Variants in CPLANE1 observed in about 807,000 individuals in gnomAD.
CPLANE1 encodes ciliogenesis and planar polarity effector complex subunit 1.
Under a neutral mutation model 362.5 loss-of-function variants are expected in CPLANE1, and 263 were observed. That is an observed-to-expected ratio of 0.73 (90% confidence interval 0.66 to 0.80). The LOEUF (loss-of-function observed/expected upper bound fraction) is 0.80. Among genes scored for constraint, CPLANE1 ranks in the 30% least tolerant of loss-of-function variants. CPLANE1 has a pLI of 0.00. For synonymous variants in CPLANE1, 1,212 were observed against 1,302.6 expected, an observed-to-expected ratio of 0.93 and a Z score of 1.50; for missense variants, 3,461 against 3,793.4, an observed-to-expected ratio of 0.91 and a Z score of 2.30.
chr5:37,209,418 C>G lies in CPLANE1; in HGVS notation c.2921-2993G>C. ...GGCTGATGTGTTGAGTCAAAATGAA[C>G]TGCGCAAAAAGCTATACCAGACATT... On this transcript the variant is annotated intron_variant, in intron 16 of 52. Coordinates refer to ENST00000651892, the MANE Select transcript of CPLANE1 (RefSeq NM_001384732.1). The surrounding 1 kb of genome is among the most constrained non-coding windows in gnomAD (Gnocchi z 4.6). The G allele has an allele frequency of 7.8e-7, 1 of 1,288,962 alleles. No homozygotes were observed. The highest frequency in any genetic ancestry group is 1.1e-6 in the Non-Finnish European group (1 of 886,028). 79.8% of individuals were successfully genotyped at this position (1,288,962 alleles called of 1,614,324 possible).
At chr5:37,138,943 G>T in intron 45 of CPLANE1, 95 bp from the exon 46 acceptor site, 1 of 1,076,792 alleles carries the variant, frequency 9.3e-7, no homozygotes, top group Non-Finnish European at 1.3e-6. Flanking sequence ...AACACAAAAT[G>T]ATAAACATAT....
rs1757792238 is a variant in CPLANE1 at position 37,107,208 on chromosome 5, GA to G, written c.*393del. On this transcript the variant is annotated 3_prime_UTR_variant, in exon 53 of 53. Transcript: ENST00000651892. The stretch of plus-strand genomic sequence containing the variant: ...AGACTGATTTTCTTCTCAATGAAAA[GA>G]TTTTTTTTTTTCCTATTAGATTCAT... 1 of 988,594 alleles carries G rather than the reference GA, an allele frequency of 1.0e-6. No homozygotes were observed. Among genetic ancestry groups the G allele is most frequent in the African/African-American group, 1.8e-5 (1 of 57,056 alleles). 61.2% of individuals were successfully genotyped at this position (988,594 alleles called of 1,614,324 possible).
In CPLANE1 at chr5:37,238,916, G is replaced by C. The variant is rs951228759; in HGVS notation, c.879C>G (p.Leu293=). ...TACTACATCCTTTAAGGCTACCACAGAGAGTAACAAAATTCAGTGTGTTTA... is the reference window on the plus strand; with the variant it reads ...TACTACATCCTTTAAGGCTACCACACAGAGTAACAAAATTCAGTGTGTTTA... ...LFINTLNFVT[L]CGSLKGCSNK... is the part of the protein sequence containing the mutation. The change falls in exon 8 of 53, where the codon CTC becomes CTG. Residue 293 remains leucine (L), a synonymous_variant. Coordinates refer to ENST00000651892, the MANE Select transcript of CPLANE1 (RefSeq NM_001384732.1). The C allele has an allele frequency of 3.3e-6, 5 of 1,534,984 alleles. No individual in the cohort carries two copies. The Admixed American group carries it at 6.3e-5, about 19-fold the overall frequency.
chr5:37,226,814 AT>A lies in CPLANE1; in HGVS notation c.1780del (p.Met594CysfsTer2), dbSNP rs1317702489. The A allele has an allele frequency of 1.9e-6, 3 of 1,549,930 alleles. No individual in the cohort carries two copies. Among genetic ancestry groups the A allele is most frequent in the Non-Finnish European group, 2.6e-6 (3 of 1,146,334 alleles). ...ISKTVTEKNL[M>X]LNYIVVCITH... ...GATACAAACTACTATGTAATTTAAC[AT>A]TAAATTTTTTTCTGTCACAGTTTTT... On this transcript the variant is annotated frameshift_variant, in exon 12 of 53. Transcript: ENST00000651892.
intron 46 of CPLANE1, among the ~76,000 whole-genome samples, chr5:37,135,600 C>A (rs377683852): frequency 1.6e-3 from 247 of 152,000 alleles, no homozygotes; most frequent in Non-Finnish European, 2.5e-3. Context: ...TTTGGGAAGT[C>A]GAGGTGGGCG....
Position 37,152,354 on chromosome 5 carries a change from T to C in CPLANE1, c.8373+1386A>G, listed in dbSNP as rs138540793. Among the ~76,000 whole-genome samples the C allele has an allele frequency of 9.9e-5, 15 of 152,248 alleles. No individual in the cohort carries two copies. In the East Asian group the frequency reaches 2.9e-3, roughly 29 times the overall value. Reference sequence around the variant, plus strand: ...ACCATACCCGACTTATTATTATTTTTATGGAGATGAGGTCTCGCTACGTTG... The same window carrying C: ...ACCATACCCGACTTATTATTATTTTCATGGAGATGAGGTCTCGCTACGTTG... On this transcript the variant is annotated intron_variant, in intron 42 of 52. Transcript: ENST00000651892.
chr5:37,240,347 A>G (rs920696454), intron 6 of CPLANE1, among the ~76,000 whole-genome samples: 2 of 151,950 alleles, frequency 1.3e-5, no homozygotes, highest in African/African-American at 4.8e-5. Flanking sequence ...GAGACTCCAT[A>G]TCAAAGAAAA....
Position 37,120,169 on chromosome 5 carries a change from G to A in CPLANE1, c.9310+47C>T, listed in dbSNP as rs770752186. ...GAAAACACAACTTTGGAGACAAGAA[G>A]GAATAGGTCCAAATCAGACAATTTA... On this transcript the variant is annotated intron_variant, in intron 50 of 52. Transcript: ENST00000651892. The A allele has an allele frequency of 2.6e-6, 4 of 1,563,320 alleles. No homozygotes were observed. The South Asian group carries it at 4.9e-5, about 19-fold the overall frequency.
In CPLANE1 at chr5:37,199,664, C is replaced by G. The variant is rs1788589809; in HGVS notation, c.3508-798G>C. ...AACCAGTAGCTAAAGATTATTTTCC[C>G]AGATAATGAGATAATGTGAGCATTG... On this transcript the variant is annotated intron_variant, in intron 19 of 52. Coordinates refer to ENST00000651892, the MANE Select transcript of CPLANE1 (RefSeq NM_001384732.1). Among the ~76,000 whole-genome samples, 4 of 152,174 alleles carry G rather than the reference C, an allele frequency of 2.6e-5. No homozygotes were observed. The South Asian group carries it at 8.3e-4, about 31-fold the overall frequency.
chr5:37,196,556 C>A (rs1787512674), intron 20 of CPLANE1, among the ~76,000 whole-genome samples: 1 of 151,974 alleles, frequency 6.6e-6, no homozygotes, highest in Admixed American at 6.6e-5. Context: ...TCTCCTCATC[C>A]CTAAAATTAA....
chr5:37,223,361 T>C (rs548328506), intron 14 of CPLANE1, among the ~76,000 whole-genome samples: 1 of 152,304 alleles, frequency 6.6e-6, no homozygotes, highest in South Asian at 2.1e-4. Flanking sequence ...ACATCTACCA[T>C]AAAACATAAT....
intron 50 of CPLANE1, among the ~76,000 whole-genome samples, chr5:37,119,417 T>C (rs1454138353): frequency 1.3e-5 from 2 of 152,142 alleles, no homozygotes; most frequent in Admixed American, 6.5e-5. Flanking sequence ...ATGCCTGTAA[T>C]CCCAGCACTT....
intron 34 of CPLANE1, among the ~76,000 whole-genome samples, chr5:37,168,063 A>G (rs1056484694): frequency 6.6e-6 from 1 of 152,216 alleles, no homozygotes; most frequent in Non-Finnish European, 1.5e-5. Context: ...ATAAAAGTAC[A>G]CCACAGAATG....
Position 37,157,866 on chromosome 5 carries a change from A to T in CPLANE1, c.7815T>A (p.Val2605=). ...CAATCACATTTATATAAGTATGTCC[A>T]ACCTGAGCCAAAACACATAAAACCA... The part of the protein sequence containing the change: ...PSIPHTVTNL[V]GHTYINVIDI... The change falls in exon 40 of 53, where the codon GTT becomes GTA. Residue 2605 remains valine, a splice_region_variant and synonymous_variant. Transcript: ENST00000651892. The T allele has an allele frequency of 6.3e-7, 1 of 1,585,184 alleles. No homozygotes were observed. Among genetic ancestry groups the T allele is most frequent in the Non-Finnish European group, 8.6e-7 (1 of 1,163,026 alleles).
At chr5:37,185,211 C>T in intron 24 of CPLANE1, 132 bp from the exon 25 acceptor site, 1 of 720,956 alleles carries the variant, frequency 1.4e-6, no homozygotes, top group Non-Finnish European at 2.2e-6. Context: ...CACATTCTTA[C>T]TGGTCGTGTT....
intron 16 of CPLANE1, 68 bp downstream of exon 16, chr5:37,213,486 GTATAA>G (rs1297280356): frequency 1.9e-5 from 20 of 1,060,756 alleles, no homozygotes; most frequent in Middle Eastern, 2.9e-4. Flanking sequence ...AATGGCCTCT[GTATAA>G]TATGTTTTAA....
intron 52 of CPLANE1, among the ~76,000 whole-genome samples, chr5:37,107,999 A>G (rs1252728114): frequency 6.6e-6 from 1 of 152,180 alleles, no homozygotes; most frequent in Non-Finnish European, 1.5e-5. Flanking sequence ...TGCTGGCACC[A>G]GATGTGAAGA....
chr5:37,116,399 T>C (rs572525592), intron 50 of CPLANE1, among the ~76,000 whole-genome samples: 1 of 144,154 alleles, frequency 6.9e-6, no homozygotes, highest in African/African-American at 2.7e-5. Context: ...GGCAGGAGAA[T>C]TGCTTGAACC....
At chr5:37,125,896 C>T (rs1464354105) in intron 46 of CPLANE1, among the ~76,000 whole-genome samples, 1 of 152,084 alleles carries the variant, frequency 6.6e-6, no homozygotes, top group Non-Finnish European at 1.5e-5. Flanking sequence ...GTTTCCACTT[C>T]TTTATCTATT....
Sources: allele counts gnomAD v4.1 joint callset (sites outside exome capture counted in the v4.1 genomes callset), GRCh38; gene constraint gnomAD v4.1.1; non-coding constraint Gnocchi (gnomAD v3.1); transcripts MANE v1.5; gene names NCBI Gene and HGNC (gene_info 2026-07-23, HGNC 2026-07-21).